SPIRE2: variants seen among roughly 807,000 people sequenced by gnomAD.
The protein encoded by SPIRE2 is spire type actin nucleation factor 2, also known as protein spire homolog 2.
In SPIRE2, 76 loss-of-function variants were observed where a neutral mutation model predicts 80.7. The ratio of observed to expected loss-of-function variants is 0.94; its 90% CI spans 0.78 to 1.14. SPIRE2 has a LOEUF of 1.14. Among genes scored for constraint, SPIRE2 ranks in the 50% most tolerant of loss-of-function variants. The pLI, the probability that SPIRE2 is intolerant of heterozygous loss-of-function variation, is 0.00. For synonymous variants in SPIRE2, 535 were observed against 432.6 expected (o/e 1.24, Z -2.94); for missense variants, 1,196 against 1,015.3 (o/e 1.18, Z -2.42).
chr16:89,830,768 A>G (rs1413035424), intron 1 of SPIRE2, among the ~76,000 whole-genome samples: 2 of 151,166 alleles, frequency 1.3e-5, no homozygotes, highest in East Asian at 1.9e-4. Context: ...ACAACAAACT[A>G]GACCATACTT....
At chr16:89,854,777 G>C in intron 5 of SPIRE2, 126 bp downstream of exon 5, 1 of 992,958 alleles carries the variant, frequency 1.0e-6, no homozygotes, top group Non-Finnish European at 1.5e-6. Flanking sequence ...CCTGCTCTCT[G>C]TGCTGGGTAC....
At chr16:89,838,017 TA>T (rs1031935893) in intron 1 of SPIRE2, among the ~76,000 whole-genome samples, 2 of 151,012 alleles carry the variant, frequency 1.3e-5, no homozygotes, top group African/African-American at 2.5e-5. Flanking sequence ...TTTTTGTTTT[TA>T]TTTTTTTTTC....
At chr16:89,859,013 G>A in intron 8 of SPIRE2, 152 bp from the exon 9 acceptor site, 2 of 670,966 alleles carry the variant, frequency 3.0e-6, no homozygotes, top group Non-Finnish European at 4.8e-6. Flanking sequence ...GCCACGAACT[G>A]TCCAGAGGCG....
intron 3 of SPIRE2, among the ~76,000 whole-genome samples, chr16:89,851,549 T>C (rs2041627819): frequency 6.6e-6 from 1 of 152,134 alleles, no homozygotes; most frequent in South Asian, 2.1e-4. Context: ...CGGGCAGTGC[T>C]AGGCTCCGAC....
chr16:89,858,458 T>C lies in SPIRE2; in HGVS notation c.1223T>C (p.Leu408Pro). 1 of 1,609,284 alleles carries C rather than the reference T, an allele frequency of 6.2e-7. No individual in the cohort carries two copies. The highest frequency in any genetic ancestry group is 2.2e-5 in the East Asian group (1 of 44,758). Reference sequence around the variant, plus strand: ...GCCCAGCGCCCGCGGCCCCGCGTGCTGCTCAAGGCGCCTACCTTGGCTGAA... The same window carrying C: ...GCCCAGCGCCCGCGGCCCCGCGTGCCGCTCAAGGCGCCTACCTTGGCTGAA... ...GSAQRPRPRV[L>P]LKAPTLAEME... The change falls in exon 8 of 15, where the codon CTG (leucine) becomes CCG (proline). Residue 408 changes from leucine (L) to proline (P), a missense_variant. Leu to Pro is a moderately conservative substitution (Grantham distance 98). Coordinates refer to ENST00000378247, the MANE Select transcript of SPIRE2 (RefSeq NM_032451.2).
chr16:89,837,828 C>T (rs1263230125), intron 1 of SPIRE2, among the ~76,000 whole-genome samples: 2 of 152,152 alleles, frequency 1.3e-5, no homozygotes, highest in African/African-American at 4.8e-5. Flanking sequence ...AGGGATCAGC[C>T]ACCGCCCTCT....
Position 89,868,198 on chromosome 16 carries a change from C to T in SPIRE2, c.1788C>T (p.Cys596=), listed in dbSNP as rs542598123. 3 of 1,614,082 alleles carry T rather than the reference C, an allele frequency of 1.9e-6. No homozygotes were observed. The highest frequency in any genetic ancestry group is 1.1e-5 in the South Asian group (1 of 91,072). Reference sequence around the variant, plus strand: ...CTCTGTTCCCTTCCAGAGCCGTCTGCACTTCCTGTAGCATAAAGGTGAGGA... The same window carrying T: ...CTCTGTTCCCTTCCAGAGCCGTCTGTACTTCCTGTAGCATAAAGGTGAGGA... ...PSCLFCKRAV[C]TSCSIKMKMP... Residue 596 remains cysteine, a synonymous_variant, in exon 13 of 15, where the codon TGC becomes TGT. Coordinates refer to ENST00000378247, the MANE Select transcript of SPIRE2 (RefSeq NM_032451.2).
chr16:89,868,046 A>G (rs1375439555), intron 12 of SPIRE2, 143 bp from the exon 13 acceptor site: 3 of 889,048 alleles, frequency 3.4e-6, no homozygotes, highest in African/African-American at 3.3e-5. Context: ...TTTGGAGTAA[A>G]ATAAAGTACT....
At chr16:89,857,192 A>G (rs2041699076) in intron 7 of SPIRE2, among the ~76,000 whole-genome samples, 1 of 137,398 alleles carries the variant, frequency 7.3e-6, no homozygotes, top group African/African-American at 2.8e-5. Flanking sequence ...GCTGTAGTGC[A>G]GTGGCACCAT....
intron 2 of SPIRE2, among the ~76,000 whole-genome samples, chr16:89,848,001 C>T (rs1010538508): frequency 4.6e-5 from 7 of 152,182 alleles, no homozygotes; most frequent in South Asian, 2.1e-4. Context: ...TCCTGTGCCA[C>T]GAGGCACAAT....
At chr16:89,842,522 T>G (rs537616472) in intron 1 of SPIRE2, among the ~76,000 whole-genome samples, 47 of 152,364 alleles carry the variant, frequency 3.1e-4, no homozygotes, top group Non-Finnish European at 5.9e-4. Flanking sequence ...CGTGAACATT[T>G]AATTTTGATA....
chr16:89,857,850 G>A lies in SPIRE2; in HGVS notation c.1103-488G>A, dbSNP rs71396977. On this transcript the variant is annotated intron_variant, in intron 7 of 14. Coordinates refer to ENST00000378247, the MANE Select transcript of SPIRE2 (RefSeq NM_032451.2). Reference sequence around the variant, plus strand: ...CTCCCAAAGTGCAGGGATTACAGGCGTGAGCCACCGCACCCAGCCTAGTTC... The same window carrying A: ...CTCCCAAAGTGCAGGGATTACAGGCATGAGCCACCGCACCCAGCCTAGTTC... Among the ~76,000 whole-genome samples, 1,363 of 147,556 alleles carry A rather than the reference G, an allele frequency of 9.2e-3. 16 individuals are homozygous for A. Among genetic ancestry groups the A allele is most frequent in the South Asian group, 0.071 (331 of 4,658 alleles).
chr16:89,836,718 G>A (rs887066059), intron 1 of SPIRE2, among the ~76,000 whole-genome samples: 3 of 151,584 alleles, frequency 2.0e-5, no homozygotes, highest in Non-Finnish European at 2.9e-5. Context: ...GGTGGCTCAC[G>A]CCTGTCATCC....
At chr16:89,840,711 C>T (rs1284446300) in intron 1 of SPIRE2, among the ~76,000 whole-genome samples, 1 of 147,564 alleles carries the variant, frequency 6.8e-6, no homozygotes, top group Admixed American at 6.8e-5. Context: ...TCTCGGCTCA[C>T]TGCAAACTCC....
rs368725035 is a variant in SPIRE2 at position 89,869,672 on chromosome 16, G to A, written c.1912G>A (p.Asp638Asn). The A allele has an allele frequency of 1.2e-6, 2 of 1,613,498 alleles. No individual in the cohort carries two copies. Among genetic ancestry groups the A allele is most frequent in the Non-Finnish European group, 1.7e-6 (2 of 1,179,384 alleles). ...AAKTAPIQRRDIFQSLQGPQW... is the reference protein window; with the variant it reads ...AAKTAPIQRRNIFQSLQGPQW... ...CAAAACCGCGCCAATCCAGAGAAGA[G>A]ACATCTTTCAGTGCGTTCTTCGCCT... is the stretch of plus-strand genomic sequence containing the variant. Residue 638 changes from aspartate to asparagine, a missense_variant, in exon 14 of 15, where the codon GAC becomes AAC. Asp to Asn is a conservative substitution (Grantham distance 23). Coordinates refer to ENST00000378247, the MANE Select transcript of SPIRE2 (RefSeq NM_032451.2).
chr16:89,831,730 T>A (rs1279109620), intron 1 of SPIRE2, among the ~76,000 whole-genome samples: 1 of 150,922 alleles, frequency 6.6e-6, no homozygotes, highest in Non-Finnish European at 1.5e-5. Flanking sequence ...CAGGCCCCGC[T>A]CTTTACGCTA....
rs2041347919 is a variant in SPIRE2 at position 89,828,579 on chromosome 16, C to G, written c.29C>G (p.Ala10Gly). The change falls in exon 1 of 15, where the codon GCC (alanine) becomes GGC (glycine). Residue 10 changes from alanine to glycine, a missense_variant. Coordinates refer to ENST00000378247, the MANE Select transcript of SPIRE2 (RefSeq NM_032451.2). This position sits in a 1 kb window ranked among gnomAD's most constrained non-coding sequence, Gnocchi z 5.9. ...GCCCGGGCGGGCAGCTGCGGCGGCG[C>G]CGCGGCGGGCGCAGGGCGGCCGGAG... MARAGSCGG[A>G]AAGAGRPEPW... The G allele has an allele frequency of 8.5e-7, 1 of 1,169,992 alleles. No homozygotes were observed. Among genetic ancestry groups the G allele is most frequent in the Non-Finnish European group, 1.1e-6 (1 of 950,716 alleles). The allele number at this position is 1,169,992 out of a possible 1,614,324, so 72.5% of individuals were successfully genotyped here. A position where few individuals can be genotyped will look rare whatever the true frequency, so the allele number is the denominator to read the frequency against.
At chr16:89,851,899 T>C (rs2041631522) in intron 3 of SPIRE2, among the ~76,000 whole-genome samples, 1 of 152,018 alleles carries the variant, frequency 6.6e-6, no homozygotes, top group Non-Finnish European at 1.5e-5. Flanking sequence ...CCGAGGAAGG[T>C]TCCTGGCCAG....
chr16:89,864,753 A>AT (rs1359896178), intron 12 of SPIRE2, among the ~76,000 whole-genome samples: 2 of 152,202 alleles, frequency 1.3e-5, no homozygotes, highest in African/African-American at 4.8e-5. Context: ...TAAAAGCAAG[A>AT]CCTGAAAGGA....
Sources: allele counts gnomAD v4.1 joint callset (sites outside exome capture counted in the v4.1 genomes callset), GRCh38; gene constraint gnomAD v4.1.1; non-coding constraint Gnocchi (gnomAD v3.1); transcripts MANE v1.5; gene names NCBI Gene and HGNC (gene_info 2026-07-23, HGNC 2026-07-21).